TPD52L1: variants seen among roughly 807,000 people sequenced by gnomAD.
TPD52L1 encodes the protein tumor protein D53.
A neutral mutation model predicts 28.7 loss-of-function variants in TPD52L1; 18 were observed. That is an observed-to-expected ratio of 0.63 (90% CI 0.43 to 0.93). The LOEUF is 0.93. Among genes scored for constraint, TPD52L1 ranks in the 40% least tolerant of loss-of-function variants. TPD52L1 has a pLI of 0.00. For missense variants in TPD52L1, 203 were observed against 254.8 expected (o/e 0.80, Z 1.39); for synonymous variants, 75 against 88.8 (o/e 0.84, Z 0.88).
chr6:125,262,656 A>G, intron 6 of TPD52L1, 178 bp from the exon 7 acceptor site: 2 of 805,162 alleles, frequency 2.5e-6, no homozygotes, highest in Non-Finnish European at 3.7e-6. Flanking sequence ...CGAGAACCCA[A>G]GTATGAATAA....
intron 6 of TPD52L1, among the ~76,000 whole-genome samples, chr6:125,257,682 T>C (rs1797685953): frequency 6.6e-6 from 1 of 152,206 alleles, no homozygotes. Flanking sequence ...ATGCATTTTA[T>C]AATAACACAG....
intron 5 of TPD52L1, among the ~76,000 whole-genome samples, chr6:125,254,933 G>A (rs907797558): frequency 2.6e-5 from 4 of 152,160 alleles, no homozygotes; most frequent in Admixed American, 2.6e-4. Context: ...GGGGTTATGT[G>A]GTTAATTGGT....
intron 1 of TPD52L1, among the ~76,000 whole-genome samples, chr6:125,217,234 G>A (rs1267425768): frequency 2.0e-5 from 3 of 152,116 alleles, no homozygotes; most frequent in Admixed American, 1.3e-4. Flanking sequence ...AAGGGTGGCG[G>A]TGATGTTTTT....
chr6:125,217,580 G>C (rs756526277), intron 1 of TPD52L1, among the ~76,000 whole-genome samples: 18 of 152,126 alleles, frequency 1.2e-4, no homozygotes, highest in Non-Finnish European at 1.8e-4. Flanking sequence ...GCCATAAATA[G>C]AGATGAAGCT....
intron 6 of TPD52L1, chr6:125,260,993 A>AG (rs1435517143): frequency 2.8e-4 from 12 of 42,986 alleles, no homozygotes; most frequent in African/African-American, 2.4e-3. Flanking sequence ...AAAGAAAGAA[A>AG]GAAAGAAAGA....
At chr6:125,172,221 CTTCCTTCCTCT>C (rs1202385964) in intron 1 of TPD52L1, among the ~76,000 whole-genome samples, 154 of 125,836 alleles carry the variant, frequency 1.2e-3, no homozygotes, top group African/African-American at 4.5e-3. Flanking sequence ...TCTTTCTTTC[CTTCCTTCCTCT>C]TTCCTTCCTT....
At chr6:125,247,292 T>A (rs1326949463) in intron 3 of TPD52L1, among the ~76,000 whole-genome samples, 1 of 152,202 alleles carries the variant, frequency 6.6e-6, no homozygotes, top group African/African-American at 2.4e-5. Context: ...TTTTTTTTAA[T>A]GTGTATAAAA....
Position 125,237,582 on chromosome 6 carries a change from A to G in TPD52L1, c.284+8316A>G, listed in dbSNP as rs1334530105. Among the ~76,000 whole-genome samples, 3 of 152,194 alleles carry G rather than the reference A, an allele frequency of 2.0e-5. No individual in the cohort carries two copies. In the South Asian group the frequency reaches 6.2e-4, roughly 32 times the overall value. ...TTTCTTGATGTTTTTCAGAATTATG[A>G]TGTCAGTAGAGTCCTGGATTGAGCC... On this transcript the variant is annotated intron_variant, in intron 3 of 6. Coordinates refer to ENST00000534000, the MANE Select transcript of TPD52L1 (RefSeq NM_003287.4).
intron 1 of TPD52L1, among the ~76,000 whole-genome samples, chr6:125,196,421 A>G (rs1793444181): frequency 1.3e-5 from 2 of 152,240 alleles, no homozygotes; most frequent in Non-Finnish European, 2.9e-5. Flanking sequence ...TGTATAAACA[A>G]CTTTTGGCAT....
intron 2 of TPD52L1, among the ~76,000 whole-genome samples, chr6:125,221,559 G>A (rs1321574801): frequency 2.0e-5 from 3 of 152,200 alleles, no homozygotes; most frequent in African/African-American, 2.4e-5. Flanking sequence ...TTTCTGGGCT[G>A]TAGGATTACT....
chr6:125,154,640 C>A, intron 1 of TPD52L1: 2 of 616,024 alleles, frequency 3.2e-6, no homozygotes, highest in Non-Finnish European at 4.1e-6. Context: ...GAGGAGCCTG[C>A]GGTGGCTTCA....
intron 1 of TPD52L1, chr6:125,219,855 CT>C (rs1407125518): frequency 5.4e-5 from 29 of 538,204 alleles, no homozygotes; most frequent in Non-Finnish European, 8.4e-5. Flanking sequence ...ACATCTCTGC[CT>C]TCTCATTTTC....
At chr6:125,231,655 CA>C (rs1795961094) in intron 3 of TPD52L1, among the ~76,000 whole-genome samples, 1 of 151,940 alleles carries the variant, frequency 6.6e-6, no homozygotes, top group African/African-American at 2.4e-5. Flanking sequence ...GTTTATACGA[CA>C]AAATCATGGA....
At chr6:125,256,847 C>A (rs1199206988) in intron 5 of TPD52L1, among the ~76,000 whole-genome samples, 1 of 152,202 alleles carries the variant, frequency 6.6e-6, no homozygotes, top group Non-Finnish European at 1.5e-5. Context: ...TGTGTCATTG[C>A]CAAATACCAT....
At chr6:125,218,151 A>G (rs1000995123) in intron 1 of TPD52L1, among the ~76,000 whole-genome samples, 2 of 152,210 alleles carry the variant, frequency 1.3e-5, no homozygotes, top group Non-Finnish European at 2.9e-5. Context: ...CAATTTTAAT[A>G]TACAATGTAG....
Position 125,257,156 on chromosome 6 carries a change from A to G in TPD52L1, c.484A>G (p.Lys162Glu). 6.2e-7 allele frequency: 1 copy of G among 1,611,142 alleles called. No homozygotes were observed. Among genetic ancestry groups the G allele is most frequent in the South Asian group, 1.1e-5 (1 of 90,710 alleles). The change falls in exon 6 of 7, where the codon AAG becomes GAG. Residue 162 changes from lysine (K) to glutamate (E), a missense_variant and splice_region_variant. Transcript: ENST00000534000. ...GGTTGAGACAACTGTCACAAGCCTC[A>G]AGGTACAGATGAAGTGAATTCTGTG... ...ERVETTVTSL[K>E]TKVGGTNPNG...
chr6:125,216,529 GTATATATATATATATA>G (rs56135453), intron 1 of TPD52L1, among the ~76,000 whole-genome samples: 7 of 69,066 alleles, frequency 1.0e-4, no homozygotes, highest in Non-Finnish European at 1.4e-4. Flanking sequence ...GTATGTGTGT[GTATATATATATATATA>G]TATATATATA....
At position 125,253,728 on chromosome 6, in the gene TPD52L1, G is replaced by A. The variant is rs774952793; in HGVS notation, c.398G>A (p.Arg133His). 4.4e-5 allele frequency: 71 copies of A among 1,612,496 alleles called. No individual in the cohort carries two copies. The highest frequency in any genetic ancestry group is 2.4e-5 in the Non-Finnish European group (28 of 1,179,492). The change falls in exon 5 of 7, where the codon CGC becomes CAC. Residue 133 changes from arginine (R) to histidine (H), a missense_variant. Transcript: ENST00000534000. ...CTTTTGCTCTGAAGTTACTCCATTC[G>A]CCATTCCATAAGTATGCCTGCTATG... ...KKFGDMSYSIRHSISMPAMRN... is the reference protein window; with the variant it reads ...KKFGDMSYSIHHSISMPAMRN...
intron 1 of TPD52L1, among the ~76,000 whole-genome samples, chr6:125,214,120 A>G (rs1420057795): frequency 6.6e-6 from 1 of 152,162 alleles, no homozygotes; most frequent in Non-Finnish European, 1.5e-5. Flanking sequence ...CCTGGCAGGG[A>G]GGGAGACAGG....
Sources: gnomAD v4.1 joint callset for allele counts (sites outside exome capture counted in the v4.1 genomes callset) on GRCh38, gnomAD v4.1.1 for gene constraint, MANE v1.5 for transcripts, NCBI Gene and HGNC (gene_info 2026-07-23, HGNC 2026-07-21) for gene names.